The following PBX3 variants were observed in gnomAD, a reference collection of about 807,000 sequenced individuals.
PBX3 encodes pre-B-cell leukemia transcription factor 3.
Under a neutral mutation model 48.5 loss-of-function variants are expected in PBX3, and 14 were observed. The ratio of observed to expected loss-of-function variants is 0.29; its 90% CI spans 0.19 to 0.45. The LOEUF (loss-of-function observed/expected upper bound fraction) is 0.45. Among genes scored for constraint, PBX3 ranks in the 20% least tolerant of loss-of-function variants. PBX3 has a pLI of 1.00. For synonymous variants in PBX3, 210 were observed against 200.3 expected (o/e 1.05, Z -0.41); for missense variants, 386 against 546.7 (o/e 0.71, Z 2.93).
intron 2 of PBX3, among the ~76,000 whole-genome samples, chr9:125,823,760 T>G (rs1316078410): frequency 6.6e-6 from 1 of 152,040 alleles, no homozygotes; most frequent in African/African-American, 2.4e-5. Context: ...GTTAAAAGAT[T>G]TGGAACGTGT....
chr9:125,748,881 C>A (rs968731946), intron 2 of PBX3: 2 of 331,716 alleles, frequency 6.0e-6, no homozygotes, highest in Non-Finnish European at 1.1e-5. Context: ...TGGCTGCAGG[C>A]GGGGAGGGGG....
At chr9:125,809,415 C>T (rs73667070) in intron 2 of PBX3, among the ~76,000 whole-genome samples, 2,848 of 150,024 alleles carry the variant, frequency 0.019, 108 homozygotes, top group African/African-American at 0.066. Flanking sequence ...CATTATTTTC[C>T]ATCTCAATGC....
intron 2 of PBX3, among the ~76,000 whole-genome samples, chr9:125,806,356 T>G (rs1277160935): frequency 1.3e-5 from 2 of 152,154 alleles, no homozygotes; most frequent in African/African-American, 4.8e-5. Flanking sequence ...TAAAAAAATA[T>G]CTGAGACCGG....
chr9:125,892,925 C>T (rs944667237), intron 2 of PBX3, among the ~76,000 whole-genome samples: 8 of 152,122 alleles, frequency 5.3e-5, no homozygotes, highest in East Asian at 1.9e-4. Context: ...GTCTTTGCCT[C>T]GCTGTGCTCC....
At chr9:125,888,616 A>G (rs1395159509) in intron 2 of PBX3, among the ~76,000 whole-genome samples, 1 of 152,080 alleles carries the variant, frequency 6.6e-6, no homozygotes, top group East Asian at 1.9e-4. Flanking sequence ...ATTGGGTACA[A>G]ACTTAGTAAA....
chr9:125,902,672 T>C (rs1840976573), intron 2 of PBX3, among the ~76,000 whole-genome samples: 1 of 151,858 alleles, frequency 6.6e-6, no homozygotes, highest in South Asian at 2.1e-4. Context: ...CTTCCAAATT[T>C]ATTTTGAAAA....
At chr9:125,888,592 A>G (rs1224942403) in intron 2 of PBX3, among the ~76,000 whole-genome samples, 1 of 148,502 alleles carries the variant, frequency 6.7e-6, no homozygotes, top group Non-Finnish European at 1.5e-5. Flanking sequence ...TTTCTAATGT[A>G]TTTCCTCTCC....
intron 5 of PBX3, among the ~76,000 whole-genome samples, chr9:125,940,623 C>G (rs1237726354): frequency 6.6e-6 from 1 of 151,984 alleles, no homozygotes; most frequent in East Asian, 1.9e-4. Context: ...AATAGGTAAA[C>G]CAGTATGGTA....
At chr9:125,892,981 TATTTA>T (rs544126276) in intron 2 of PBX3, among the ~76,000 whole-genome samples, 1 of 152,346 alleles carries the variant, frequency 6.6e-6, no homozygotes, top group Non-Finnish European at 1.5e-5. Flanking sequence ...AGCTTTATTT[TATTTA>T]AATGGAGGTA....
chr9:125,762,843 AAG>A (rs1248300151), intron 2 of PBX3, among the ~76,000 whole-genome samples: 1 of 152,236 alleles, frequency 6.6e-6, no homozygotes, highest in Non-Finnish European at 1.5e-5. Context: ...AATATTGTGA[AAG>A]AGTTTGATGG....
At chr9:125,859,780 TG>T (rs1216451747) in intron 2 of PBX3, among the ~76,000 whole-genome samples, 1 of 152,262 alleles carries the variant, frequency 6.6e-6, no homozygotes, top group Non-Finnish European at 1.5e-5. Flanking sequence ...ATAGCAGATC[TG>T]GTCTTCAAGG....
intron 1 of PBX3, 60 bp from the exon 2 acceptor site, chr9:125,748,490 G>A (rs906026221): frequency 1.3e-5 from 20 of 1,581,592 alleles, no homozygotes; most frequent in Non-Finnish European, 1.7e-5. Context: ...CTTAAAGGAA[G>A]GCGCCATATT....
At chr9:125,802,921 T>G (rs1485108456) in intron 2 of PBX3, among the ~76,000 whole-genome samples, 1 of 150,942 alleles carries the variant, frequency 6.6e-6, no homozygotes, top group Non-Finnish European at 1.5e-5. Context: ...TCAGGTGATC[T>G]GCCCGCCTCG....
chr9:125,836,673 A>G (rs954461905), intron 2 of PBX3, among the ~76,000 whole-genome samples: 1 of 152,234 alleles, frequency 6.6e-6, no homozygotes, highest in Non-Finnish European at 1.5e-5. Flanking sequence ...AATGTTCCCA[A>G]CATAAACTGA....
chr9:125,942,488 T>TA (rs1841976765), intron 5 of PBX3, among the ~76,000 whole-genome samples: 1 of 152,068 alleles, frequency 6.6e-6, no homozygotes, highest in Non-Finnish European at 1.5e-5. Flanking sequence ...ATTTCCTTAT[T>TA]AAAAAAACTA....
chr9:125,843,576 A>G (rs1839343516), intron 2 of PBX3: 1 of 225,992 alleles, frequency 4.4e-6, no homozygotes, highest in Non-Finnish European at 9.2e-6. Context: ...TTAATAAAAG[A>G]CGGAATGCCT....
Position 125,963,365 on chromosome 9 carries a change from A to G in PBX3, c.1212+264A>G, listed in dbSNP as rs138720524. 8.8e-4 allele frequency among the ~76,000 whole-genome samples: 134 copies of G among 152,314 alleles called. No individual in the cohort carries two copies. The Middle Eastern group carries it at 0.01, about 12-fold the overall frequency. On this transcript the variant is annotated intron_variant, in intron 8 of 8. Coordinates refer to ENST00000373489, the MANE Select transcript of PBX3 (RefSeq NM_006195.6). ...GCCCATTAAGACGCCATTTCCTACCATCAGTGCTGTGCTCCAGGGAGACGG... is the reference window on the plus strand; with the variant it reads ...GCCCATTAAGACGCCATTTCCTACCGTCAGTGCTGTGCTCCAGGGAGACGG...
intron 5 of PBX3, among the ~76,000 whole-genome samples, chr9:125,936,673 A>G (rs746981474): frequency 2.6e-5 from 4 of 152,092 alleles, no homozygotes; most frequent in Non-Finnish European, 4.4e-5. Context: ...TTTTGGCATT[A>G]TTTTCTGTAG....
At chr9:125,906,968 C>G (rs1841088023) in intron 2 of PBX3, among the ~76,000 whole-genome samples, 1 of 151,944 alleles carries the variant, frequency 6.6e-6, no homozygotes, top group Admixed American at 6.6e-5. Flanking sequence ...ATCAACAGCA[C>G]CATTTACTTT....
Sources: gnomAD v4.1 joint callset for allele counts (sites outside exome capture counted in the v4.1 genomes callset) on GRCh38, gnomAD v4.1.1 for gene constraint, MANE v1.5 for transcripts, NCBI Gene and HGNC (gene_info 2026-07-23, HGNC 2026-07-21) for gene names.